Variants in ZDHHC16 observed in about 807,000 individuals in gnomAD.
ZDHHC16 encodes zDHHC palmitoyltransferase 16.
ZDHHC16 carries 33 observed loss-of-function variants against 54.4 expected under a neutral mutation model. That is an observed-to-expected ratio of 0.61 (90% CI 0.46 to 0.81). ZDHHC16 has a LOEUF of 0.81. ZDHHC16 is among the 30% of genes least tolerant of loss of function. The pLI, the probability that ZDHHC16 is intolerant of heterozygous loss-of-function variation, is 0.00. For synonymous variants in ZDHHC16, 185 were observed against 182.1 expected (o/e 1.02, Z -0.13); for missense variants, 420 against 485.9 (o/e 0.86, Z 1.28).
In ZDHHC16 at chr10:97,454,761, G is replaced by A. The variant is rs1461975651; in HGVS notation, c.786G>A (p.Met262Ile). 3.7e-6 allele frequency: 6 copies of A among 1,614,048 alleles called. No individual in the cohort carries two copies. The highest frequency in any genetic ancestry group is 5.1e-6 in the Non-Finnish European group (6 of 1,180,034). Residue 262 changes from methionine to isoleucine, a missense_variant, in exon 9 of 12, where the codon ATG becomes ATA. By Grantham distance (10) the Met-to-Ile change is conservative (BLOSUM62 1). Coordinates refer to ENST00000393760, the MANE Select transcript of ZDHHC16 (RefSeq NM_198046.3). ...PPPTFSFRER[M>I]THKSLVYLWF... ...CCACCTTCTCCTTTCGAGAAAGGAT[G>A]ACTCACAAGAGTCTTGTCTACCTCT...
chr10:97,455,062 C>T (rs888783308), intron 9 of ZDHHC16, among the ~76,000 whole-genome samples: 2 of 152,166 alleles, frequency 1.3e-5, no homozygotes, highest in African/African-American at 4.8e-5. Flanking sequence ...ATCTTAGCAC[C>T]TGTCTAAAGG....
At position 97,453,908 on chromosome 10, in the gene ZDHHC16, G is replaced by A. The variant is rs1186554744; in HGVS notation, c.738+62G>A. ...GGCCTGGGGGTATAGAGTTGCTAAGGCATCTGGGGCCGACCTGCCCATGTA... is the reference window on the plus strand; with the variant it reads ...GGCCTGGGGGTATAGAGTTGCTAAGACATCTGGGGCCGACCTGCCCATGTA... On this transcript the variant is annotated intron_variant, in intron 8 of 11. Coordinates refer to ENST00000393760, the MANE Select transcript of ZDHHC16 (RefSeq NM_198046.3). 26 of 1,608,952 alleles carry A rather than the reference G, an allele frequency of 1.6e-5. 1 individual carries two copies. The highest frequency in any genetic ancestry group is 2.2e-5 in the Non-Finnish European group (26 of 1,176,678).
At chr10:97,452,056 C>T (rs372664254) in intron 3 of ZDHHC16, 34 bp from the exon 4 acceptor site, 799 of 1,612,918 alleles carry the variant, frequency 5.0e-4, no homozygotes, top group Non-Finnish European at 6.3e-4. Flanking sequence ...ATAGCTCTTG[C>T]GCCATGTCTC....
chr10:97,453,494 GTGTT>G (rs768703824), intron 6 of ZDHHC16, 32 bp from the exon 7 acceptor site: 8 of 1,606,778 alleles, frequency 5.0e-6, no homozygotes, highest in Non-Finnish European at 6.8e-6. Context: ...GCCTGAAATT[GTGTT>G]TGATTCTAGT....
At chr10:97,449,226 T>A (rs1174844270) in intron 1 of ZDHHC16, among the ~76,000 whole-genome samples, 1 of 149,808 alleles carries the variant, frequency 6.7e-6, no homozygotes, top group Non-Finnish European at 1.5e-5. Flanking sequence ...GAATAGAAGT[T>A]TTTTTTTTTT....
rs549035271 is a variant in ZDHHC16 at position 97,454,893 on chromosome 10, C to T, written c.824+94C>T. 7.7e-5 allele frequency: 80 copies of T among 1,040,244 alleles called. 1 individual carries two copies. In the South Asian group the frequency reaches 7.8e-4, roughly 10 times the overall value. 64.4% of individuals were successfully genotyped at this position (1,040,244 alleles called of 1,614,324 possible). A position where few individuals can be genotyped will look rare whatever the true frequency, so the allele number is the denominator to read the frequency against. On this transcript the variant is annotated intron_variant, in intron 9 of 11. Coordinates refer to ENST00000393760, the MANE Select transcript of ZDHHC16 (RefSeq NM_198046.3). Reference sequence around the variant, plus strand: ...AGGCAGAAACCCATTCCTAAGTGAACTGCCACTGCTCTAGTCTAACTTAGG... The same window carrying T: ...AGGCAGAAACCCATTCCTAAGTGAATTGCCACTGCTCTAGTCTAACTTAGG...
In ZDHHC16 at chr10:97,446,213, G is replaced by A; in HGVS notation, c.-326G>A. 1 of 635,650 alleles carries A rather than the reference G, an allele frequency of 1.6e-6. No homozygotes were observed. The highest frequency in any genetic ancestry group is 2.7e-6 in the Non-Finnish European group (1 of 367,696). 39.4% of individuals were successfully genotyped at this position (635,650 alleles called of 1,614,324 possible). A position where few individuals can be genotyped will look rare whatever the true frequency, so the allele number is the denominator to read the frequency against. ...GGCTGGCGGCGGGTCCGGGTCCGCTGCCTGGCGCTGCGGGCGGCGGGCCAT... is the reference window on the plus strand; with the variant it reads ...GGCTGGCGGCGGGTCCGGGTCCGCTACCTGGCGCTGCGGGCGGCGGGCCAT... On this transcript the variant is annotated 5_prime_UTR_variant, in exon 1 of 12. Coordinates refer to ENST00000393760, the MANE Select transcript of ZDHHC16 (RefSeq NM_198046.3).
At chr10:97,454,594 C>T in intron 8 of ZDHHC16, 120 bp from the exon 9 acceptor site, 1 of 922,764 alleles carries the variant, frequency 1.1e-6, no homozygotes, top group Non-Finnish European at 1.7e-6. Flanking sequence ...CCTAACTCCT[C>T]TGTGGCTTTA....
intron 11 of ZDHHC16, 75 bp from the exon 12 acceptor site, chr10:97,456,702 A>G (rs2133242706): frequency 9.1e-7 from 1 of 1,095,378 alleles, no homozygotes; most frequent in Non-Finnish European, 1.3e-6. Context: ...ACCTTGATGT[A>G]TGCTTGTTAA....
Position 97,446,198 on chromosome 10 carries a change from G to C in ZDHHC16, c.-341G>C, listed in dbSNP as rs923313207. 1.3e-4 allele frequency: 91 copies of C among 680,698 alleles called. No individual in the cohort carries two copies. The highest frequency in any genetic ancestry group is 1.2e-3 in the Middle Eastern group (3 of 2,418). The allele number at this position is 680,698 out of a possible 1,614,324, so 42.2% of individuals were successfully genotyped here. The stretch of plus-strand genomic sequence containing the variant: ...GTGTGGTTGAGGATGGGCTGGCGGC[G>C]GGTCCGGGTCCGCTGCCTGGCGCTG... On this transcript the variant is annotated 5_prime_UTR_variant, in exon 1 of 12. Transcript: ENST00000393760.
intron 1 of ZDHHC16, 40 bp downstream of exon 1, chr10:97,446,393 C>A (rs1357850206): frequency 1.3e-5 from 4 of 308,886 alleles, no homozygotes; most frequent in African/African-American, 9.1e-5. Context: ...CATCCTAGTC[C>A]CTTTTTCTGG....
chr10:97,451,533 C>G lies in ZDHHC16; in HGVS notation c.-5-138C>G, dbSNP rs991571573. The G allele has an allele frequency of 2.5e-5, 31 of 1,226,480 alleles. No homozygotes were observed. In the African/African-American group the frequency reaches 4.7e-4, roughly 19 times the overall value. The allele number at this position is 1,226,480 out of a possible 1,614,324, so 76.0% of individuals were successfully genotyped here. ...GTAGAAAAGTGAAGTAACCTTCCTA[C>G]TTCTCACAGTTGGTGACTGGCCTAG... On this transcript the variant is annotated intron_variant, in intron 2 of 11. Coordinates refer to ENST00000393760, the MANE Select transcript of ZDHHC16 (RefSeq NM_198046.3).
rs756188501 is a variant in ZDHHC16, at chr10:97,451,890, T to C, written c.215T>C (p.Val72Ala). 6 of 1,612,406 alleles carry C rather than the reference T, an allele frequency of 3.7e-6. No individual in the cohort carries two copies. The highest frequency in any genetic ancestry group is 1.7e-4 in the Middle Eastern group (1 of 6,050). Residue 72 changes from valine to alanine, a missense_variant, in exon 3 of 12, where the codon GTA becomes GCA. Transcript: ENST00000393760. ...DAAFEPVYWL[V>A]DNVIRWFGVV... ...GCCTTTGAGCCTGTCTACTGGCTGG[T>C]AGACAACGTGATCCGCTGGTTTGGA...
Position 97,455,796 on chromosome 10 carries a change from G to A in ZDHHC16, c.948+13G>A. 1.2e-6 allele frequency: 2 copies of A among 1,611,908 alleles called. No individual in the cohort carries two copies. Among genetic ancestry groups the A allele is most frequent in the Non-Finnish European group, 1.7e-6 (2 of 1,178,076 alleles). ...GGCCAAGGGCAGAGTGAGTAGGGTTGAAGGCTCGGGGTGGGTAGGTGGGTA... is the reference window on the plus strand; with the variant it reads ...GGCCAAGGGCAGAGTGAGTAGGGTTAAAGGCTCGGGGTGGGTAGGTGGGTA... On this transcript the variant is annotated intron_variant, in intron 10 of 11. Coordinates refer to ENST00000393760, the MANE Select transcript of ZDHHC16 (RefSeq NM_198046.3).
In ZDHHC16 at chr10:97,453,606, T is replaced by C. The variant is rs762275971; in HGVS notation, c.633T>C (p.Cys211=). The C allele has an allele frequency of 1.2e-6, 2 of 1,614,218 alleles. No individual in the cohort carries two copies. The highest frequency in any genetic ancestry group is 2.2e-5 in the East Asian group (1 of 44,878). ...FSFCFFMTLG[C]VYCSYGSWDL... is the part of the protein sequence containing the mutation. ...TCTGCTTTTTCATGACTCTGGGCTGTGTCTACTGCAGCTATGGAAGTTGGG... is the reference window on the plus strand; with the variant it reads ...TCTGCTTTTTCATGACTCTGGGCTGCGTCTACTGCAGCTATGGAAGTTGGG... The change falls in exon 7 of 12, where the codon TGT becomes TGC. Residue 211 remains cysteine, a synonymous_variant. Coordinates refer to ENST00000393760, the MANE Select transcript of ZDHHC16 (RefSeq NM_198046.3).
intron 8 of ZDHHC16, 79 bp downstream of exon 8, chr10:97,453,925 G>C: frequency 6.3e-7 from 1 of 1,593,112 alleles, no homozygotes; most frequent in South Asian, 1.1e-5. Flanking sequence ...GGGCCGACCT[G>C]CCCATGTAGT....
Position 97,455,994 on chromosome 10 carries a change from C to G in ZDHHC16, c.969C>G (p.Asn323Lys). 3 of 1,614,142 alleles carry G rather than the reference C, an allele frequency of 1.9e-6. No homozygotes were observed. In the African/African-American group the frequency reaches 4.0e-5, roughly 22 times the overall value. ...AKGRVFRNPY[N>K]YGCLDNWKVF... The stretch of plus-strand genomic sequence containing the variant: ...TCCAGGTATTTAGGAATCCTTACAA[C>G]TACGGCTGCTTGGACAACTGGAAGG... Residue 323 changes from asparagine (N) to lysine (K), a missense_variant, in exon 11 of 12, where the codon AAC (asparagine) becomes AAG (lysine). Transcript: ENST00000393760.
rs781523109 is a variant in ZDHHC16 at position 97,452,304 on chromosome 10, C to T, written c.438+20C>T. On this transcript the variant is annotated intron_variant, in intron 4 of 11. Transcript: ENST00000393760. The stretch of plus-strand genomic sequence containing the variant: ...CCCCAGGTGGGTCCTCACAGGAGCA[C>T]TGGGGGAAGTTGCTGGCTATGGGAG... The T allele has an allele frequency of 3.1e-6, 5 of 1,613,686 alleles. No homozygotes were observed. In the African/African-American group the frequency reaches 5.3e-5, roughly 17 times the overall value.
intron 1 of ZDHHC16, among the ~76,000 whole-genome samples, chr10:97,449,861 CTTTTTTT>C (rs35173837): frequency 2.5e-5 from 2 of 81,516 alleles, no homozygotes; most frequent in African/African-American, 1.2e-4. Context: ...CCCCTTAATT[CTTTTTTT>C]TTTTTTTTTT....
Sources: allele counts gnomAD v4.1 joint callset (sites outside exome capture counted in the v4.1 genomes callset), GRCh38; gene constraint gnomAD v4.1.1; transcripts MANE v1.5; gene names NCBI Gene and HGNC (gene_info 2026-07-23, HGNC 2026-07-21).